CFAP299: variants seen among roughly 807,000 people sequenced by gnomAD.
CFAP299 encodes the protein cilia- and flagella-associated protein 299.
Under a neutral mutation model 27.0 loss-of-function variants are expected in CFAP299, and 21 were observed. The observed-to-expected ratio is 0.78, with a 90% confidence interval of 0.55 to 1.12. The LOEUF (loss-of-function observed/expected upper bound fraction) is 1.12. Ranked by LOEUF, CFAP299 falls within the 50% of genes most tolerant of loss-of-function variation. CFAP299 has a pLI of 0.00. For missense variants in CFAP299, 310 were observed against 276.6 expected, an observed-to-expected ratio of 1.12 and a Z score of -0.86; for synonymous variants, 104 against 98.1, an observed-to-expected ratio of 1.06 and a Z score of -0.36.
chr4:80,834,478 A>T (rs904842942), intron 3 of CFAP299, among the ~76,000 whole-genome samples: 1 of 152,202 alleles, frequency 6.6e-6, no homozygotes, highest in Non-Finnish European at 1.5e-5. Context: ...GTGTGGTCAT[A>T]GTGTTATGAA....
chr4:80,608,247 G>A (rs952756864), intron 3 of CFAP299: 3 of 815,142 alleles, frequency 3.7e-6, no homozygotes, highest in Admixed American at 4.4e-5. Context: ...GTACCAGAGG[G>A]TGGGGTTCAA....
intron 2 of CFAP299, among the ~76,000 whole-genome samples, chr4:80,401,216 C>A (rs1726135014): frequency 6.6e-6 from 1 of 152,306 alleles, no homozygotes; most frequent in East Asian, 1.9e-4. Flanking sequence ...GAAATTCAAG[C>A]TGGCTGCAGA....
intron 4 of CFAP299, among the ~76,000 whole-genome samples, chr4:80,894,776 A>T (rs1335262218): frequency 1.3e-5 from 2 of 151,602 alleles, no homozygotes; most frequent in African/African-American, 2.4e-5. Flanking sequence ...TAAGGTACAG[A>T]TATGTGTGTG....
At chr4:80,908,237 T>TA (rs1236111365) in intron 4 of CFAP299, among the ~76,000 whole-genome samples, 1 of 152,216 alleles carries the variant, frequency 6.6e-6, no homozygotes, top group East Asian at 1.9e-4. Flanking sequence ...ACTGCATCTG[T>TA]ATACAATAAC....
chr4:80,543,776 A>G (rs973645456), intron 2 of CFAP299, among the ~76,000 whole-genome samples: 1 of 152,252 alleles, frequency 6.6e-6, no homozygotes, highest in South Asian at 2.1e-4. Context: ...TTTGAGAATA[A>G]AGTCCATGAA....
intron 2 of CFAP299, among the ~76,000 whole-genome samples, chr4:80,465,830 G>A (rs1041034441): frequency 1.3e-5 from 2 of 152,138 alleles, no homozygotes; most frequent in South Asian, 2.1e-4. Flanking sequence ...TTGAACCTAC[G>A]TGAGCTGGGT....
At chr4:80,615,016 ATAT>A (rs528328141) in intron 3 of CFAP299, among the ~76,000 whole-genome samples, 157 of 152,290 alleles carry the variant, frequency 1.0e-3, no homozygotes, top group African/African-American at 3.5e-3. Flanking sequence ...ATACCATGTG[ATAT>A]TATGGATTTC....
intron 4 of CFAP299, among the ~76,000 whole-genome samples, chr4:80,880,290 G>A (rs1733627426): frequency 1.3e-5 from 2 of 151,798 alleles, no homozygotes; most frequent in Admixed American, 1.3e-4. Context: ...ATTTAAATAA[G>A]AATTATTGCT....
At chr4:80,865,827 C>A (rs1053268317) in intron 3 of CFAP299, among the ~76,000 whole-genome samples, 1 of 146,160 alleles carries the variant, frequency 6.8e-6, no homozygotes, top group Non-Finnish European at 1.5e-5. Context: ...GGACAAAAAA[C>A]CAAACACCAC....
intron 3 of CFAP299, among the ~76,000 whole-genome samples, chr4:80,802,342 G>T (rs369670513): frequency 6.6e-6 from 1 of 152,026 alleles, no homozygotes; most frequent in African/African-American, 2.4e-5. Flanking sequence ...GTGTGTGGGT[G>T]CTTTGAGTAG....
At chr4:80,373,412 A>G (rs544378125) in intron 2 of CFAP299, among the ~76,000 whole-genome samples, 2 of 152,256 alleles carry the variant, frequency 1.3e-5, no homozygotes, top group Admixed American at 1.3e-4. Flanking sequence ...ACTGCAATGA[A>G]TACTTGCTAT....
At chr4:80,533,524 C>A (rs1733573378) in intron 2 of CFAP299, among the ~76,000 whole-genome samples, 2 of 152,028 alleles carry the variant, frequency 1.3e-5, no homozygotes, top group African/African-American at 4.8e-5. Flanking sequence ...TATAGAAGAG[C>A]CTTAACTGTT....
chr4:80,787,216 T>TTA (rs1211711429), intron 3 of CFAP299, among the ~76,000 whole-genome samples: 2 of 147,926 alleles, frequency 1.4e-5, no homozygotes, highest in African/African-American at 2.5e-5. Context: ...ATATAATATT[T>TTA]TATATATATA....
intron 3 of CFAP299, among the ~76,000 whole-genome samples, chr4:80,814,396 G>A (rs1195712087): frequency 6.6e-6 from 1 of 151,980 alleles, no homozygotes; most frequent in Admixed American, 6.6e-5. Context: ...AATGTCATTA[G>A]TAAAGCCATT....
intron 3 of CFAP299, among the ~76,000 whole-genome samples, chr4:80,772,241 C>T (rs962436470): frequency 2.0e-5 from 3 of 152,068 alleles, no homozygotes; most frequent in African/African-American, 4.8e-5. Flanking sequence ...CTTTACAAAA[C>T]GTGATAAACC....
At position 80,439,329 on chromosome 4, in the gene CFAP299, C is replaced by T. The variant is rs569551995; in HGVS notation, c.242+76445C>T. The stretch of plus-strand genomic sequence containing the variant: ...CAACGCAGAAGGCAGGTGATTTCTG[C>T]ATTTCCAACTGAGGTACCAAGCTCA... On this transcript the variant is annotated intron_variant, in intron 2 of 5. Coordinates refer to ENST00000358105, the MANE Select transcript of CFAP299 (RefSeq NM_152770.3). Among the ~76,000 whole-genome samples, 3 of 152,302 alleles carry T rather than the reference C, an allele frequency of 2.0e-5. 1 individual carries two copies. The South Asian group carries it at 6.2e-4, about 32-fold the overall frequency.
Position 80,467,008 on chromosome 4 carries a change from G to GT in CFAP299, c.242+104127dup, listed in dbSNP as rs529089123. ...ACATAGTAGAATTTAAAATTCAATA[G>GT]TTTAGCTGAAGGCTATGGAGCTATG... is the stretch of plus-strand genomic sequence containing the variant. On this transcript the variant is annotated intron_variant, in intron 2 of 5. Transcript: ENST00000358105. Among the ~76,000 whole-genome samples, 347 of 152,300 alleles carry GT rather than the reference G, an allele frequency of 2.3e-3. 2 individuals are homozygous for GT. The highest frequency in any genetic ancestry group is 7.6e-3 in the African/African-American group (315 of 41,562).
At chr4:80,420,593 T>C (rs1297907952) in intron 2 of CFAP299, among the ~76,000 whole-genome samples, 2 of 152,210 alleles carry the variant, frequency 1.3e-5, no homozygotes, top group Non-Finnish European at 2.9e-5. Flanking sequence ...ATTCAGGTCC[T>C]TTGCTCATTT....
upstream of CFAP299, among the ~76,000 whole-genome samples, chr4:80,333,665 CAT>C (rs1362476355): frequency 6.6e-6 from 1 of 152,142 alleles, no homozygotes. Flanking sequence ...TCTTACATAA[CAT>C]ATGTTTCCTC....
Sources: allele counts gnomAD v4.1 joint callset (sites outside exome capture counted in the v4.1 genomes callset), GRCh38; gene constraint gnomAD v4.1.1; transcripts MANE v1.5; gene names NCBI Gene and HGNC (gene_info 2026-07-23, HGNC 2026-07-21).